RP1: variants seen among roughly 807,000 people sequenced by gnomAD.
The protein encoded by RP1 is oxygen-regulated protein 1.
RP1 carries 16 observed loss-of-function variants against 14.8 expected under a neutral mutation model. The observed-to-expected ratio is 1.08, with a 90% confidence interval of 0.73 to 1.65. The LOEUF (loss-of-function observed/expected upper bound fraction) is 1.65, where lower values mean the gene tolerates loss of function less well. RP1 is among the 40% of genes most tolerant of loss of function. RP1 has a pLI of 0.00. For missense variants in RP1, 2,631 were observed against 2,535.0 expected (o/e 1.04, Z -0.81); for synonymous variants, 876 against 883.6 (o/e 0.99, Z 0.15).
intron 25 of RP1, among the ~76,000 whole-genome samples, chr8:54,849,523 G>A (rs1812009540): frequency 6.6e-6 from 1 of 152,136 alleles, no homozygotes; most frequent in African/African-American, 2.4e-5. Flanking sequence ...TTCTGTGCTT[G>A]CTACAGTAAG....
chr8:54,604,824 A>G (rs1338261443), intron 1 of RP1, among the ~76,000 whole-genome samples: 2 of 152,044 alleles, frequency 1.3e-5, no homozygotes, highest in Non-Finnish European at 2.9e-5. Context: ...GTTTATTTTC[A>G]TATAGGTGTT....
intron 1 of RP1, among the ~76,000 whole-genome samples, chr8:54,602,642 C>T (rs1370706780): frequency 6.6e-6 from 1 of 152,224 alleles, no homozygotes; most frequent in African/African-American, 2.4e-5. Flanking sequence ...AACCAGTTTA[C>T]AGTCCCAGTA....
At chr8:54,866,785 T>G (rs1812468553) in intron 28 of RP1, among the ~76,000 whole-genome samples, 1 of 152,130 alleles carries the variant, frequency 6.6e-6, no homozygotes, top group African/African-American at 2.4e-5. Context: ...GTTAACGACA[T>G]GAGGGCAATG....
intron 1 of RP1, among the ~76,000 whole-genome samples, chr8:54,620,729 TG>T (rs1465861005): frequency 6.6e-6 from 1 of 152,240 alleles, no homozygotes; most frequent in African/African-American, 2.4e-5. Flanking sequence ...GTGTTTAGGT[TG>T]TTTTTTCAAA....
chr8:54,610,774 A>C (rs181867323), intron 1 of RP1, among the ~76,000 whole-genome samples: 1 of 152,216 alleles, frequency 6.6e-6, no homozygotes, highest in South Asian at 2.1e-4. Flanking sequence ...CACAGCAGCT[A>C]TCTTGGTCTG....
At chr8:54,774,211 G>T (rs905265961), downstream of RP1, among the ~76,000 whole-genome samples, 3 of 152,142 alleles carry the variant, frequency 2.0e-5, no homozygotes, top group Non-Finnish European at 2.9e-5. Flanking sequence ...GGAGCCTTCT[G>T]CCTGTTGTGT....
chr8:54,630,703 A>C lies in RP1; in HGVS notation c.*350A>C, dbSNP rs1375144138. 2 of 1,095,040 alleles carry C rather than the reference A, an allele frequency of 1.8e-6. No individual in the cohort carries two copies. Among genetic ancestry groups the C allele is most frequent in the African/African-American group, 1.7e-5 (1 of 59,104 alleles). The allele number at this position is 1,095,040 out of a possible 1,614,324, so 67.8% of individuals were successfully genotyped here. A position where few individuals can be genotyped will look rare whatever the true frequency, so the allele number is the denominator to read the frequency against. On this transcript the variant is annotated 3_prime_UTR_variant, in exon 4 of 4. Transcript: ENST00000220676. ...TTAAAAAATGTTGTTAGCTTGGTGTAAAATGTATATTGACTGTATTGGTGA... is the reference window on the plus strand; with the variant it reads ...TTAAAAAATGTTGTTAGCTTGGTGTCAAATGTATATTGACTGTATTGGTGA...
At chr8:54,631,554 T>A (rs534623936), downstream of RP1, among the ~76,000 whole-genome samples, 4 of 152,094 alleles carry the variant, frequency 2.6e-5, no homozygotes, top group East Asian at 3.9e-4. Context: ...TTTTTTTTTT[T>A]AAGTAGAGAA....
intron 1 of RP1, among the ~76,000 whole-genome samples, chr8:54,578,413 G>T (rs1049812373): frequency 6.6e-6 from 1 of 151,912 alleles, no homozygotes; most frequent in Non-Finnish European, 1.5e-5. Flanking sequence ...TTGCTATGTT[G>T]CCTAAGCTGG....
chr8:54,786,061 A>G (rs1810310548), intron 24 of RP1, among the ~76,000 whole-genome samples: 1 of 151,958 alleles, frequency 6.6e-6, no homozygotes, highest in African/African-American at 2.4e-5. Context: ...ATGTTTTACA[A>G]TTTTTTCTCC....
chr8:54,863,225 T>G (rs1437447577), intron 27 of RP1, among the ~76,000 whole-genome samples: 1 of 151,996 alleles, frequency 6.6e-6, no homozygotes, highest in African/African-American at 2.4e-5. Flanking sequence ...CACATTACCT[T>G]TTCTATGTTT....
intron 17 of RP1, among the ~76,000 whole-genome samples, chr8:54,732,965 T>C (rs1181151080): frequency 6.6e-6 from 1 of 152,166 alleles, no homozygotes; most frequent in African/African-American, 2.4e-5. Context: ...AGTCTGTCCA[T>C]CTGCTTAATA....
intron 7 of RP1, among the ~76,000 whole-genome samples, chr8:54,669,117 C>A (rs1235199831): frequency 6.6e-6 from 1 of 152,062 alleles, no homozygotes; most frequent in Non-Finnish European, 1.5e-5. Flanking sequence ...AAAAGTTTTG[C>A]AATCTACCCA....
At chr8:54,699,419 G>A (rs1484381792) in intron 12 of RP1, 1 of 945,480 alleles carries the variant, frequency 1.1e-6, no homozygotes, top group Non-Finnish European at 1.4e-6. Context: ...AATGAAAAAA[G>A]TTTTAAAAGC....
At chr8:54,817,832 C>T (rs954206364) in intron 24 of RP1, among the ~76,000 whole-genome samples, 1 of 152,194 alleles carries the variant, frequency 6.6e-6, no homozygotes, top group Admixed American at 6.5e-5. Context: ...ATGTACTCTT[C>T]ATTTTAATTT....
At chr8:54,800,039 A>G (rs1425281507) in intron 24 of RP1, among the ~76,000 whole-genome samples, 1 of 142,462 alleles carries the variant, frequency 7.0e-6, no homozygotes, top group East Asian at 1.9e-4. Context: ...TTAGAAATAC[A>G]TTTCCTCAGT....
intron 1 of RP1, among the ~76,000 whole-genome samples, chr8:54,577,696 C>G (rs543459434): frequency 3.3e-5 from 5 of 152,206 alleles, no homozygotes; most frequent in African/African-American, 1.2e-4. Context: ...AAGATATATA[C>G]TGTGATATCC....
intron 27 of RP1, among the ~76,000 whole-genome samples, chr8:54,859,373 C>T (rs147971940): frequency 5.6e-4 from 79 of 141,258 alleles, no homozygotes; most frequent in African/African-American, 2.1e-3. Context: ...CACTGTGGAG[C>T]ATTGTCACTA....
intron 4 of RP1, among the ~76,000 whole-genome samples, chr8:54,652,138 G>A (rs1162639926): frequency 6.6e-6 from 1 of 152,026 alleles, no homozygotes; most frequent in Non-Finnish European, 1.5e-5. Context: ...TTCCCAAGTA[G>A]CTGGGATTAC....
Sources: gnomAD v4.1 joint callset for allele counts (sites outside exome capture counted in the v4.1 genomes callset) on GRCh38, gnomAD v4.1.1 for gene constraint, MANE v1.5 for transcripts, NCBI Gene and HGNC (gene_info 2026-07-23, HGNC 2026-07-21) for gene names.